The following DNAH14 variants were observed in gnomAD, a reference collection of about 807,000 sequenced individuals.
DNAH14 encodes dynein axonemal heavy chain 14.
DNAH14 carries 478 observed loss-of-function variants against 520.9 expected under a neutral mutation model. The ratio of observed to expected loss-of-function variants is 0.92; its 90% CI spans 0.85 to 0.99. The LOEUF is 0.99. Ranked by LOEUF, DNAH14 falls within the 50% of genes least tolerant of loss-of-function variation. The pLI is 0.00. For synonymous variants in DNAH14, 1,581 were observed against 1,757.2 expected, an observed-to-expected ratio of 0.90 and a Z score of 2.51; for missense variants, 4,831 against 5,234.5, an observed-to-expected ratio of 0.92 and a Z score of 2.38.
chr1:225,174,004 C>T (rs868680743), intron 36 of DNAH14, among the ~76,000 whole-genome samples: 2 of 152,044 alleles, frequency 1.3e-5, no homozygotes, highest in Non-Finnish European at 2.9e-5. Flanking sequence ...AGCAAACTAT[C>T]GCAAGGACAA....
intron 41 of DNAH14, among the ~76,000 whole-genome samples, chr1:225,221,175 A>G (rs374251332): frequency 1.1e-4 from 17 of 152,206 alleles, no homozygotes; most frequent in African/African-American, 4.1e-4. Context: ...TAAAAACTTA[A>G]ACGTCAGACC....
At position 225,080,391 on chromosome 1, in the gene DNAH14, C is replaced by T. The variant is rs1179579946; in HGVS notation, c.2779C>T (p.Leu927Phe). 5.2e-6 allele frequency: 8 copies of T among 1,535,460 alleles called. No homozygotes were observed. In the Admixed American group the frequency reaches 1.4e-4, roughly 28 times the overall value. ...GNLKAKIRTP[L>F]LLCAGTQVST... ...TCTTATTTTTTAGATAAGAACTCCTCTTCTGTTATGTGCTGGTACTCAAGT... is the reference window on the plus strand; with the variant it reads ...TCTTATTTTTTAGATAAGAACTCCTTTTCTGTTATGTGCTGGTACTCAAGT... The change falls in exon 19 of 86, where the codon CTT becomes TTT. Residue 927 changes from leucine (L) to phenylalanine (F), a missense_variant. Transcript: ENST00000682510.
intron 16 of DNAH14, 60 bp downstream of exon 16, chr1:225,050,436 T>G: frequency 6.9e-7 from 1 of 1,448,722 alleles, no homozygotes; most frequent in Non-Finnish European, 9.2e-7. Flanking sequence ...CACTGAATTC[T>G]TAAATGAAAT....
chr1:225,374,182 T>TATATATATA (rs1263904206), intron 77 of DNAH14, among the ~76,000 whole-genome samples: 1 of 97,128 alleles, frequency 1.0e-5, no homozygotes, highest in Non-Finnish European at 2.1e-5. Flanking sequence ...TATATATATA[T>TATATATATA]ACTATTCTAG....
At chr1:225,319,830 C>T (rs2094529073) in intron 61 of DNAH14, among the ~76,000 whole-genome samples, 1 of 151,974 alleles carries the variant, frequency 6.6e-6, no homozygotes, top group Non-Finnish European at 1.5e-5. Flanking sequence ...AGGCAGGTAT[C>T]CAGTGGAAGA....
chr1:225,347,816 AC>A (rs1296471906), intron 71 of DNAH14, among the ~76,000 whole-genome samples: 1 of 152,152 alleles, frequency 6.6e-6, no homozygotes, highest in Non-Finnish European at 1.5e-5. Context: ...AAACAAAGAC[AC>A]AGGGGGAAAT....
chr1:224,936,818 A>G (rs1372342224), intron 1 of DNAH14, among the ~76,000 whole-genome samples: 4 of 152,016 alleles, frequency 2.6e-5, no homozygotes, highest in African/African-American at 4.8e-5. Flanking sequence ...AGAAATTCTC[A>G]ACAAAATTCT....
chr1:225,171,346 A>G (rs1325963132), intron 36 of DNAH14, among the ~76,000 whole-genome samples: 3 of 152,128 alleles, frequency 2.0e-5, no homozygotes, highest in Non-Finnish European at 2.9e-5. Context: ...TTTTTTGAAA[A>G]GATCAACAAA....
At chr1:225,314,569 T>G (rs961086192) in intron 60 of DNAH14, among the ~76,000 whole-genome samples, 1 of 152,246 alleles carries the variant, frequency 6.6e-6, no homozygotes, top group African/African-American at 2.4e-5. Flanking sequence ...TTGCAGTGGC[T>G]GGTACCAGTT....
At chr1:225,088,817 T>G (rs2074062274) in intron 21 of DNAH14, among the ~76,000 whole-genome samples, 1 of 152,092 alleles carries the variant, frequency 6.6e-6, no homozygotes, top group South Asian at 2.1e-4. Context: ...AAAAACAACT[T>G]TAAGTTAATT....
At chr1:225,004,405 G>C (rs796380083) in intron 9 of DNAH14, among the ~76,000 whole-genome samples, 17 of 152,270 alleles carry the variant, frequency 1.1e-4, no homozygotes, top group African/African-American at 4.1e-4. Context: ...TTAAAGTTAG[G>C]TCATGCCTCA....
At position 225,145,204 on chromosome 1, in the gene DNAH14, A is replaced by T. The variant is rs569768759; in HGVS notation, c.4741-122A>T. 74 of 595,024 alleles carry T rather than the reference A, an allele frequency of 1.2e-4. No homozygotes were observed. The East Asian group carries it at 1.4e-3, about 11-fold the overall frequency. The allele number at this position is 595,024 out of a possible 1,614,324, so 36.9% of individuals were successfully genotyped here. On this transcript the variant is annotated intron_variant, in intron 29 of 85. Coordinates refer to ENST00000682510, the MANE Select transcript of DNAH14 (RefSeq NM_001367479.1). Reference sequence around the variant, plus strand: ...TGTGAATCTCTAAATTTGATTTTTAATTCATCTCCATATTGCAAAGTTTTC... The same window carrying T: ...TGTGAATCTCTAAATTTGATTTTTATTTCATCTCCATATTGCAAAGTTTTC...
intron 8 of DNAH14, among the ~76,000 whole-genome samples, chr1:224,987,995 C>T (rs974487980): frequency 1.3e-5 from 2 of 152,056 alleles, no homozygotes; most frequent in Non-Finnish European, 2.9e-5. Flanking sequence ...ACCTATCAAC[C>T]CACCACCTAG....
chr1:225,034,334 T>C (rs1212509873), intron 11 of DNAH14, among the ~76,000 whole-genome samples: 1 of 152,210 alleles, frequency 6.6e-6, no homozygotes, highest in Non-Finnish European at 1.5e-5. Flanking sequence ...TTTTTGTCTT[T>C]AGTTCTGTTT....
At chr1:225,331,619 C>T in intron 65 of DNAH14, 42 bp downstream of exon 65, 2 of 1,549,978 alleles carry the variant, frequency 1.3e-6, no homozygotes, top group East Asian at 4.9e-5. Flanking sequence ...ATAATTCCTA[C>T]TGGGCCCAAC....
chr1:225,287,451 C>T (rs145045728), intron 54 of DNAH14, among the ~76,000 whole-genome samples: 24 of 152,164 alleles, frequency 1.6e-4, no homozygotes, highest in Non-Finnish European at 1.8e-4. Flanking sequence ...AGTTTTCTCA[C>T]TATTGGAGGG....
At chr1:225,126,550 G>A (rs910111647) in intron 27 of DNAH14, among the ~76,000 whole-genome samples, 3 of 152,094 alleles carry the variant, frequency 2.0e-5, no homozygotes, top group Non-Finnish European at 4.4e-5. Context: ...GATTGGTGGT[G>A]ATATCCCCTT....
chr1:225,364,855 C>T lies in DNAH14; in HGVS notation c.12051C>T (p.Tyr4017=), dbSNP rs1228033405. The part of the protein sequence containing the change: ...EFRLWLSSKS[Y]SSFPIPVLKK... ...GGCTATGGTTAAGCTCAAAATCATACAGTTCTTTTCCAATTCCTGTTCTTA... is the reference window on the plus strand; with the variant it reads ...GGCTATGGTTAAGCTCAAAATCATATAGTTCTTTTCCAATTCCTGTTCTTA... The change falls in exon 76 of 86, where the codon TAC becomes TAT. Residue 4017 remains tyrosine, a synonymous_variant. Transcript: ENST00000682510. The T allele has an allele frequency of 6.5e-7, 1 of 1,548,394 alleles. No individual in the cohort carries two copies. The highest frequency in any genetic ancestry group is 1.4e-5 in the African/African-American group (1 of 72,920).
At position 225,399,116 on chromosome 1, in the gene DNAH14, C is replaced by T. The variant is rs746556201; in HGVS notation, c.13701C>T (p.Cys4567=). Reference sequence around the variant, plus strand: ...ATTCAGAACTCTATGCTTTTGAATGCCCAGTTTACCAGACACCTGAGAGGT... The same window carrying T: ...ATTCAGAACTCTATGCTTTTGAATGTCCAGTTTACCAGACACCTGAGAGGT... ...QTDSELYAFE[C]PVYQTPERSR... is the part of the protein sequence containing the mutation. Residue 4567 remains cysteine, a synonymous_variant, in exon 86 of 86, where the codon TGC becomes TGT. Transcript: ENST00000682510. 5 of 1,551,636 alleles carry T rather than the reference C, an allele frequency of 3.2e-6. No homozygotes were observed. The African/African-American group carries it at 4.1e-5, about 13-fold the overall frequency.
Sources: allele counts gnomAD v4.1 joint callset (sites outside exome capture counted in the v4.1 genomes callset), GRCh38; gene constraint gnomAD v4.1.1; transcripts MANE v1.5; gene names NCBI Gene and HGNC (gene_info 2026-07-23, HGNC 2026-07-21).